JAK1: variants seen among roughly 807,000 people sequenced by gnomAD.
JAK1 encodes Janus kinase 1, also known as tyrosine-protein kinase JAK1.
Under a neutral mutation model 136.6 loss-of-function variants are expected in JAK1, and 16 were observed. The observed-to-expected ratio is 0.12, with a 90% CI of 0.08 to 0.18. The LOEUF (loss-of-function observed/expected upper bound fraction) is 0.18. Ranked by LOEUF, JAK1 falls within the 10% of genes least tolerant of loss-of-function variation. The pLI, the probability that JAK1 is intolerant of heterozygous loss-of-function variation, is 1.00. For missense variants in JAK1, 859 were observed against 1,450.1 expected, an observed-to-expected ratio of 0.59 and a Z score of 6.62; for synonymous variants, 492 against 519.5, an observed-to-expected ratio of 0.95 and a Z score of 0.72.
chr1:64,986,141 TG>T, intron 2 of JAK1: 1 of 588,564 alleles, frequency 1.7e-6, no homozygotes, highest in Non-Finnish European at 2.8e-6. Context: ...GTTTCACTCT[TG>T]TTGCTCAGCC....
chr1:64,951,649 C>CA (rs1646089584), intron 1 of JAK1, among the ~76,000 whole-genome samples: 3 of 76,960 alleles, frequency 3.9e-5, no homozygotes, highest in African/African-American at 1.5e-4. Flanking sequence ...CAAGTTCTGC[C>CA]TTTTTTTTTT....
chr1:64,876,659 A>T (rs1299499626), intron 4 of JAK1, among the ~76,000 whole-genome samples: 4 of 152,204 alleles, frequency 2.6e-5, no homozygotes, highest in Non-Finnish European at 5.9e-5. Flanking sequence ...TTTAAAATTA[A>T]TTATAAAGGT....
chr1:64,987,692 A>G (rs1646613121), intron 2 of JAK1: 1 of 152,242 alleles, frequency 6.6e-6, no homozygotes, highest in South Asian at 2.1e-4. Flanking sequence ...TTAATAGATT[A>G]GTCAATTAGA....
chr1:64,951,759 C>A (rs1343423345), intron 1 of JAK1, among the ~76,000 whole-genome samples: 1 of 149,282 alleles, frequency 6.7e-6, no homozygotes, highest in Non-Finnish European at 1.5e-5. Context: ...CCCGGGTTCA[C>A]GCCATTCTCC....
chr1:65,015,191 A>G (rs1177599592), intron 2 of JAK1, among the ~76,000 whole-genome samples: 1 of 152,218 alleles, frequency 6.6e-6, no homozygotes, highest in Non-Finnish European at 1.5e-5. Flanking sequence ...AAGAGTAAAG[A>G]GAGTGGTAAA....
At chr1:64,910,707 GC>G in intron 1 of JAK1, among the ~76,000 whole-genome samples, 1 of 152,202 alleles carries the variant, frequency 6.6e-6, no homozygotes, top group Non-Finnish European at 1.5e-5. Flanking sequence ...GGTGGCGAGC[GC>G]CTGTAGTCCC....
At chr1:64,968,415 C>G (rs1403924312), upstream of JAK1, among the ~76,000 whole-genome samples, 1 of 152,122 alleles carries the variant, frequency 6.6e-6, no homozygotes, top group Non-Finnish European at 1.5e-5. Flanking sequence ...GTCACCCAGC[C>G]GAGTCTGAGG....
chr1:65,022,860 T>C (rs1028229110), intron 2 of JAK1: 3 of 152,188 alleles, frequency 2.0e-5, no homozygotes, highest in African/African-American at 7.2e-5. Context: ...ATTCAGTCTA[T>C]TCTTAAGTTG....
At chr1:64,906,350 G>C (rs1005506285) in intron 1 of JAK1, among the ~76,000 whole-genome samples, 10 of 150,554 alleles carry the variant, frequency 6.6e-5, no homozygotes, top group Admixed American at 6.6e-4. Flanking sequence ...CTACTTGGAA[G>C]TTAACAGGCA....
chr1:65,053,084 G>A (rs1324324082), intron 1 of JAK1, among the ~76,000 whole-genome samples: 1 of 146,804 alleles, frequency 6.8e-6, no homozygotes, highest in East Asian at 2.1e-4. Flanking sequence ...AGTGGCTCAC[G>A]CCTGTAATCC....
intron 2 of JAK1, among the ~76,000 whole-genome samples, chr1:65,008,834 G>T (rs1208152839): frequency 6.6e-6 from 1 of 152,046 alleles, no homozygotes; most frequent in Non-Finnish European, 1.5e-5. Flanking sequence ...GGCTACAGGT[G>T]CATGCCACAT....
In JAK1 at chr1:64,836,076, TGAAGA is replaced by T; in HGVS notation, c.3258+17_3258+21del. 1 of 1,356,294 alleles carries T rather than the reference TGAAGA, an allele frequency of 7.4e-7. No individual in the cohort carries two copies. Among genetic ancestry groups the T allele is most frequent in the Non-Finnish European group, 1.1e-6 (1 of 947,246 alleles). The allele number at this position is 1,356,294 out of a possible 1,614,324, so 84.0% of individuals were successfully genotyped here. A position where few individuals can be genotyped will look rare whatever the true frequency, so the allele number is the denominator to read the frequency against. On this transcript the variant is annotated intron_variant, in intron 23 of 24. Transcript: ENST00000342505. Reference sequence around the variant, plus strand: ...ATTTTAAATGGGTACTGGATTCAAATGAAGAGAAAAGTAGGACTTACAGCCATGGG... The same window carrying T: ...ATTTTAAATGGGTACTGGATTCAAATGAAAAGTAGGACTTACAGCCATGGG...
At chr1:64,877,413 T>C (rs1644690506) in intron 4 of JAK1, among the ~76,000 whole-genome samples, 1 of 152,072 alleles carries the variant, frequency 6.6e-6, no homozygotes, top group Non-Finnish European at 1.5e-5. Flanking sequence ...GTCAAGGTGC[T>C]AAAAGTGAAG....
At chr1:64,929,030 A>G (rs1419371415) in intron 1 of JAK1, among the ~76,000 whole-genome samples, 1 of 152,172 alleles carries the variant, frequency 6.6e-6, no homozygotes, top group East Asian at 1.9e-4. Context: ...TTCTGAAGGA[A>G]ACTGGAATTA....
At chr1:64,943,971 C>A (rs1480370351) in intron 1 of JAK1, among the ~76,000 whole-genome samples, 3 of 151,508 alleles carry the variant, frequency 2.0e-5, no homozygotes, top group Admixed American at 6.6e-5. Context: ...GCCTGTAATC[C>A]CAGCACTTTG....
intron 2 of JAK1, among the ~76,000 whole-genome samples, chr1:65,020,097 TGCCTG>T (rs1458816504): frequency 6.8e-6 from 1 of 146,622 alleles, no homozygotes; most frequent in East Asian, 2.0e-4. Context: ...TGCTGGTGCA[TGCCTG>T]TAATCCTAGC....
At chr1:65,047,674 A>G (rs950096536) in intron 1 of JAK1, among the ~76,000 whole-genome samples, 12 of 151,852 alleles carry the variant, frequency 7.9e-5, no homozygotes, top group African/African-American at 2.9e-4. Flanking sequence ...CGCCGAGATC[A>G]CGCCACTGCA....
chr1:64,919,292 T>C (rs1570773667), intron 1 of JAK1, among the ~76,000 whole-genome samples: 1 of 152,222 alleles, frequency 6.6e-6, no homozygotes, highest in African/African-American at 2.4e-5. Flanking sequence ...TTGCGACAGT[T>C]TGCTGAGAGT....
intron 21 of JAK1, 29 bp downstream of exon 21, chr1:64,838,436 A>G (rs756605465): frequency 1.2e-6 from 2 of 1,610,872 alleles, no homozygotes; most frequent in Admixed American, 1.7e-5. Flanking sequence ...TGATGTCTTA[A>G]TCTGTAACAT....
Sources: gnomAD v4.1 joint callset for allele counts (sites outside exome capture counted in the v4.1 genomes callset) on GRCh38, gnomAD v4.1.1 for gene constraint, MANE v1.5 for transcripts, NCBI Gene and HGNC (gene_info 2026-07-23, HGNC 2026-07-21) for gene names.